RBM27: variants seen among roughly 807,000 people sequenced by gnomAD.
RBM27 encodes the protein RNA-binding protein 27.
In RBM27, 22 loss-of-function variants were observed where a neutral mutation model predicts 135.3. The ratio of observed to expected loss-of-function variants is 0.16; its 90% CI spans 0.12 to 0.23. RBM27 has a LOEUF of 0.23. Among genes scored for constraint, RBM27 ranks in the 10% least tolerant of loss-of-function variants. The pLI, the probability that RBM27 is intolerant of heterozygous loss-of-function variation, is 1.00. For synonymous variants in RBM27, 481 were observed against 442.4 expected (o/e 1.09, Z -1.10); for missense variants, 1,009 against 1,281.0 (o/e 0.79, Z 3.24).
At chr5:146,279,452 CA>C (rs1189245409) in intron 19 of RBM27, among the ~76,000 whole-genome samples, 1 of 136,282 alleles carries the variant, frequency 7.3e-6, no homozygotes, top group Non-Finnish European at 1.6e-5. Flanking sequence ...GTCTAAAAAA[CA>C]AAAAAACAAA....
At chr5:146,264,701 C>G (rs1758544760) in intron 14 of RBM27, among the ~76,000 whole-genome samples, 1 of 140,216 alleles carries the variant, frequency 7.1e-6, no homozygotes, top group African/African-American at 2.6e-5. Context: ...ACTGCTATCC[C>G]AAAAATACTA....
At chr5:146,217,367 C>T (rs1455408377) in intron 1 of RBM27, among the ~76,000 whole-genome samples, 1 of 151,012 alleles carries the variant, frequency 6.6e-6, no homozygotes, top group Non-Finnish European at 1.5e-5. Flanking sequence ...AGCATAAAAA[C>T]TAGAAGGAAG....
At chr5:146,254,007 C>G (rs1758003389) in intron 9 of RBM27, among the ~76,000 whole-genome samples, 1 of 152,290 alleles carries the variant, frequency 6.6e-6, no homozygotes. Flanking sequence ...ACCAGCTGTT[C>G]TCACTCTAGT....
intron 7 of RBM27, among the ~76,000 whole-genome samples, chr5:146,234,583 A>G (rs1180774099): frequency 2.0e-5 from 3 of 152,222 alleles, no homozygotes; most frequent in African/African-American, 7.2e-5. Context: ...ATGTTTTAAA[A>G]TGGTCATTTA....
chr5:146,257,276 T>C (rs1758145211), intron 10 of RBM27, among the ~76,000 whole-genome samples: 1 of 152,230 alleles, frequency 6.6e-6, no homozygotes, highest in Non-Finnish European at 1.5e-5. Flanking sequence ...CAAGATTTAA[T>C]AGGCATAGTT....
At position 146,203,706 on chromosome 5, in the gene RBM27, T is replaced by G. The variant is rs34561895; in HGVS notation, c.-60T>G. On this transcript the variant is annotated 5_prime_UTR_variant, in exon 1 of 21. Transcript: ENST00000265271. ...GTGAAGGGAACGTGAGGGGGCGGCG[T>G]AGTGGAGACCCACGGCAGGCCTGAA... 16,225 of 1,447,352 alleles carry G rather than the reference T, an allele frequency of 0.011. 205 individuals carry two copies. Among genetic ancestry groups the G allele is most frequent in the African/African-American group, 0.061 (4,306 of 70,546 alleles). The allele number at this position is 1,447,352 out of a possible 1,614,324, so 89.7% of individuals were successfully genotyped here. A position where few individuals can be genotyped will look rare whatever the true frequency, so the allele number is the denominator to read the frequency against.
chr5:146,223,492 C>T lies in RBM27; in HGVS notation c.268C>T (p.Pro90Ser). The T allele has an allele frequency of 6.2e-7, 1 of 1,607,810 alleles. No homozygotes were observed. The highest frequency in any genetic ancestry group is 8.5e-7 in the Non-Finnish European group (1 of 1,177,672). ...GGAACCAGTAAAGCCTGAGCCAAAA[C>T]CACTAGTCCAAGAAAAAGAAGAAAT... is the stretch of plus-strand genomic sequence containing the variant. ...LLEPVKPEPK[P>S]LVQEKEEIKE... The change falls in exon 3 of 21, where the codon CCA (proline) becomes TCA (serine). Residue 90 changes from proline (P) to serine (S), a missense_variant. Physicochemically the swap from Pro to Ser is moderately conservative, Grantham distance 74. Transcript: ENST00000265271.
chr5:146,220,487 A>AT (rs1431897208), intron 2 of RBM27, among the ~76,000 whole-genome samples: 594 of 138,586 alleles, frequency 4.3e-3, no homozygotes, highest in East Asian at 0.011. Flanking sequence ...AAAAAAAAAA[A>AT]AAATATATAT....
At chr5:146,244,425 T>C (rs539272359) in intron 8 of RBM27, among the ~76,000 whole-genome samples, 3 of 152,326 alleles carry the variant, frequency 2.0e-5, no homozygotes, top group South Asian at 2.1e-4. Flanking sequence ...TAAAATGTCA[T>C]AGACCCTGTG....
intron 20 of RBM27, among the ~76,000 whole-genome samples, chr5:146,285,369 T>A (rs889576689): frequency 3.9e-5 from 6 of 152,158 alleles, no homozygotes; most frequent in Non-Finnish European, 8.8e-5. Flanking sequence ...TGATCAAGTG[T>A]CTTCTCACTA....
At chr5:146,219,938 C>T (rs969890269) in intron 2 of RBM27, among the ~76,000 whole-genome samples, 2 of 151,440 alleles carry the variant, frequency 1.3e-5, no homozygotes, top group Non-Finnish European at 2.9e-5. Context: ...ACTTTGTTGC[C>T]CAGGCTGATC....
rs766001399 is a variant in RBM27, at chr5:146,271,634, T to C, written c.2948T>C (p.Phe983Ser). 22 of 1,613,450 alleles carry C rather than the reference T, an allele frequency of 1.4e-5. No individual in the cohort carries two copies. The highest frequency in any genetic ancestry group is 1.1e-4 in the East Asian group (5 of 44,896). The change falls in exon 19 of 21, where the codon TTC becomes TCC. Residue 983 changes from phenylalanine to serine, a missense_variant. By Grantham distance (155) the Phe-to-Ser change is radical (BLOSUM62 -2). This residue lies in a region of RBM27 where 355 missense variants were observed against 427.3 expected (regional missense o/e 0.83). Transcript: ENST00000265271. ...HRPKALTVGGFIEEEKEDLLQ... is the reference protein window; with the variant it reads ...HRPKALTVGGSIEEEKEDLLQ... Reference sequence around the variant, plus strand: ...CCCAAAGCACTAACAGTTGGAGGATTCATTGAGGAAGAAAAAGAAGACTTG... The same window carrying C: ...CCCAAAGCACTAACAGTTGGAGGATCCATTGAGGAAGAAAAAGAAGACTTG...
chr5:146,227,234 G>C (rs1344831604), intron 3 of RBM27, among the ~76,000 whole-genome samples: 1 of 152,118 alleles, frequency 6.6e-6, no homozygotes, highest in Non-Finnish European at 1.5e-5. Flanking sequence ...TTCATTGCCT[G>C]TTTTCTTTAC....
At chr5:146,215,258 C>T (rs1436011908) in intron 1 of RBM27, among the ~76,000 whole-genome samples, 1 of 152,102 alleles carries the variant, frequency 6.6e-6, no homozygotes, top group Non-Finnish European at 1.5e-5. Context: ...CCATGTTGGC[C>T]AGGCTGATCT....
At chr5:146,269,726 AT>A (rs1758780123) in intron 17 of RBM27, 142 bp downstream of exon 17, 1 of 439,204 alleles carries the variant, frequency 2.3e-6, no homozygotes, top group South Asian at 1.1e-4. Context: ...TAAAAAAAAA[AT>A]CCTAATTATA....
At chr5:146,228,652 G>T (rs1756789726) in intron 3 of RBM27, among the ~76,000 whole-genome samples, 1 of 152,012 alleles carries the variant, frequency 6.6e-6, no homozygotes, top group African/African-American at 2.4e-5. Context: ...CCAGCCTGTG[G>T]TGCAGTGGTG....
At chr5:146,260,942 G>A (rs765473701) in intron 12 of RBM27, 44 bp downstream of exon 12, 115 of 1,546,710 alleles carry the variant, frequency 7.4e-5, no homozygotes, top group Admixed American at 9.6e-5. Flanking sequence ...CATTTTATGG[G>A]TCTTGGGAAT....
chr5:146,220,644 T>C (rs1336976389), intron 2 of RBM27, among the ~76,000 whole-genome samples: 1 of 152,074 alleles, frequency 6.6e-6, no homozygotes, highest in African/African-American at 2.4e-5. Flanking sequence ...GGCTTCTCAA[T>C]CTAAAACATA....
intron 12 of RBM27, 77 bp downstream of exon 12, chr5:146,260,975 T>G (rs1416547572): frequency 2.2e-6 from 3 of 1,382,520 alleles, no homozygotes; most frequent in Non-Finnish European, 3.0e-6. Flanking sequence ...TCACCTTGTT[T>G]AAATGAGTCA....
Sources: gnomAD v4.1 joint callset for allele counts (sites outside exome capture counted in the v4.1 genomes callset) on GRCh38, gnomAD v4.1.1 for gene constraint, gnomAD v4.1.1 regional missense constraint, MANE v1.5 for transcripts, NCBI Gene and HGNC (gene_info 2026-07-23, HGNC 2026-07-21) for gene names.